The following CAPN2 variants were observed in gnomAD, a reference collection of about 807,000 sequenced individuals.
CAPN2 encodes the protein calpain 2, also known as calpain-2 catalytic subunit.
Under a neutral mutation model 102.3 loss-of-function variants are expected in CAPN2, and 92 were observed. That is an observed-to-expected ratio of 0.90 (90% CI 0.76 to 1.07). CAPN2 has a LOEUF of 1.07. Ranked by LOEUF, CAPN2 falls within the 50% of genes least tolerant of loss-of-function variation. The pLI is 0.00. For synonymous variants in CAPN2, 340 were observed against 355.4 expected (o/e 0.96, Z 0.49); for missense variants, 800 against 909.4 (o/e 0.88, Z 1.55).
At position 223,749,051 on chromosome 1, in the gene CAPN2, G is replaced by A. The variant is rs1282697631; in HGVS notation, c.742G>A (p.Ala248Thr). The A allele has an allele frequency of 1.2e-6, 2 of 1,614,022 alleles. No homozygotes were observed. Among genetic ancestry groups the A allele is most frequent in the Admixed American group, 1.7e-5 (1 of 60,032 alleles). Residue 248 changes from alanine to threonine, a missense_variant, in exon 6 of 21, where the codon GCG (alanine) becomes ACG (threonine). Coordinates refer to ENST00000295006, the MANE Select transcript of CAPN2 (RefSeq NM_001748.5). ...GCTGTGTTTGCAGATCACCAGCGCC[G>A]CGGACTCGGAGGCCATCACGTTTCA... ...LGCSIDITSA[A>T]DSEAITFQKL...
chr1:223,702,641 G>A (rs892790316), intron 1 of CAPN2, among the ~76,000 whole-genome samples: 5 of 152,140 alleles, frequency 3.3e-5, no homozygotes, highest in Admixed American at 2.6e-4. Flanking sequence ...AGAGCAAAAC[G>A]GGGAGGATAG....
At chr1:223,762,088 A>G in intron 13 of CAPN2, 98 bp from the exon 14 acceptor site, 1 of 966,942 alleles carries the variant, frequency 1.0e-6, no homozygotes, top group Non-Finnish European at 1.6e-6. Context: ...GGAGGGGTAG[A>G]GAAGGGGAGT....
chr1:223,727,249 T>C lies in CAPN2; in HGVS notation c.307+9418T>C, dbSNP rs1660218469. On this transcript the variant is annotated intron_variant, in intron 2 of 20. Transcript: ENST00000295006. This position sits in a 1 kb window ranked among gnomAD's most constrained non-coding sequence, Gnocchi z 4.1. ...CAAAAGAACAAAAGGTCTAAAGAAA[T>C]ATAACGCAAAACAGGTACGATTTGA... 6.6e-6 allele frequency among the ~76,000 whole-genome samples: 1 copy of C among 152,170 alleles called. No individual in the cohort carries two copies. The highest frequency in any genetic ancestry group is 1.5e-5 in the Non-Finnish European group (1 of 68,030).
At chr1:223,773,428 T>C (rs1336523019) in intron 20 of CAPN2, among the ~76,000 whole-genome samples, 1 of 151,700 alleles carries the variant, frequency 6.6e-6, no homozygotes. Flanking sequence ...GCGCGGTGGC[T>C]CACATCTATA....
At chr1:223,767,232 A>G (rs1299446042) in intron 16 of CAPN2, among the ~76,000 whole-genome samples, 3 of 151,976 alleles carry the variant, frequency 2.0e-5, no homozygotes, top group Non-Finnish European at 1.5e-5. Context: ...GTACATGTGC[A>G]CAATGTGCAG....
chr1:223,762,059 C>T (rs906236396), intron 13 of CAPN2, 127 bp from the exon 14 acceptor site: 37 of 681,812 alleles, frequency 5.4e-5, no homozygotes, highest in South Asian at 2.1e-4. Context: ...CCCAAATCAC[C>T]GTAGAATTTG....
chr1:223,741,841 ATC>A (rs1307524702), intron 2 of CAPN2, among the ~76,000 whole-genome samples: 1 of 151,724 alleles, frequency 6.6e-6, no homozygotes, highest in Non-Finnish European at 1.5e-5. Flanking sequence ...CAGTGGCGTG[ATC>A]TTGGCTCACT....
At chr1:223,733,481 AG>A (rs1660380303) in intron 2 of CAPN2, among the ~76,000 whole-genome samples, 1 of 152,142 alleles carries the variant, frequency 6.6e-6, no homozygotes, top group Non-Finnish European at 1.5e-5. Flanking sequence ...TCTTTTCAGT[AG>A]AAGGCCCTGG....
intron 2 of CAPN2, 21 bp from the exon 3 acceptor site, chr1:223,744,079 C>G: frequency 6.6e-7 from 1 of 1,506,998 alleles, no homozygotes; most frequent in Non-Finnish European, 9.2e-7. Flanking sequence ...CTGATAAGAG[C>G]TCCTTGTGCT....
intron 2 of CAPN2, among the ~76,000 whole-genome samples, chr1:223,734,133 G>A (rs1259404846): frequency 6.6e-6 from 1 of 152,172 alleles, no homozygotes; most frequent in Non-Finnish European, 1.5e-5. Flanking sequence ...GGGATCCAGC[G>A]CTACAGGGAA....
intron 20 of CAPN2, chr1:223,772,796 T>G (rs1661516412): frequency 6.6e-6 from 1 of 152,388 alleles, no homozygotes; most frequent in Non-Finnish European, 1.5e-5. Flanking sequence ...CAATCTGAAT[T>G]AAGTGGGTAT....
At position 223,759,393 on chromosome 1, in the gene CAPN2, G is replaced by C. The variant is rs148678361; in HGVS notation, c.1441G>C (p.Glu481Gln). 3 of 1,614,090 alleles carry C rather than the reference G, an allele frequency of 1.9e-6. No individual in the cohort carries two copies. Among genetic ancestry groups the C allele is most frequent in the Admixed American group, 3.3e-5 (2 of 60,008 alleles). ...VLNRFKLPPG[E>Q]YILVPSTFEP... is the part of the protein sequence containing the mutation. ...CAACCGCTTCAAGCTGCCGCCAGGA[G>C]AGTACATTCTCGTGCCTTCCACCTT... Residue 481 changes from glutamate to glutamine, a missense_variant, in exon 12 of 21, where the codon GAG becomes CAG. Physicochemically the swap from Glu to Gln is conservative, Grantham distance 29 (BLOSUM62 2). Transcript: ENST00000295006. This position sits in a 1 kb window ranked among gnomAD's most constrained non-coding sequence, Gnocchi z 4.6.
chr1:223,732,926 G>A (rs1345570897), intron 2 of CAPN2, among the ~76,000 whole-genome samples: 3 of 152,144 alleles, frequency 2.0e-5, no homozygotes, highest in Admixed American at 6.5e-5. Flanking sequence ...GCACCATCAG[G>A]GGCCAGCTTG....
chr1:223,716,308 C>T (rs1263735910), intron 1 of CAPN2, among the ~76,000 whole-genome samples: 2 of 152,210 alleles, frequency 1.3e-5, no homozygotes, highest in African/African-American at 2.4e-5. Flanking sequence ...AAGTGCCTGG[C>T]ACACTCAGGA....
At position 223,712,559 on chromosome 1, in the gene CAPN2, G is replaced by A. The variant is rs1033793682; in HGVS notation, c.-82G>A. On this transcript the variant is annotated 5_prime_UTR_variant, in exon 1 of 21. Transcript: ENST00000295006. ...CCCGCAGTGGCCGCAGCAGCGCGCC[G>A]GGCCCTGGCCGCGCCCCAGCCGAGC... The A allele has an allele frequency of 3.0e-6, 4 of 1,321,976 alleles. No individual in the cohort carries two copies. Among genetic ancestry groups the A allele is most frequent in the African/African-American group, 3.1e-5 (2 of 64,230 alleles). 81.9% of individuals were successfully genotyped at this position (1,321,976 alleles called of 1,614,324 possible).
chr1:223,766,741 C>G (rs1389521149), intron 16 of CAPN2, among the ~76,000 whole-genome samples: 2 of 152,160 alleles, frequency 1.3e-5, no homozygotes, highest in Non-Finnish European at 2.9e-5. Flanking sequence ...CCTCCTGACT[C>G]ACGAGGTCAG....
At chr1:223,770,096 G>T in intron 17 of CAPN2, 187 bp downstream of exon 17, 1 of 617,866 alleles carries the variant, frequency 1.6e-6, no homozygotes. Context: ...CCAGGACTTC[G>T]CAGGTGAAAT....
At chr1:223,761,507 CATTTTAGCAGTG>C (rs1302081920) in intron 12 of CAPN2, 62 bp from the exon 13 acceptor site, 4 of 1,287,422 alleles carry the variant, frequency 3.1e-6, no homozygotes, top group Non-Finnish European at 4.5e-6. Flanking sequence ...ACTGCACTTC[CATTTTAGCAGTG>C]ATTTCCTTCC....
At chr1:223,757,934 C>G (rs1558074904) in intron 11 of CAPN2, 2 of 151,862 alleles carry the variant, frequency 1.3e-5, no homozygotes, top group Non-Finnish European at 2.9e-5. Flanking sequence ...GATCTCGACT[C>G]ACTGCAACCT....
Sources: allele counts gnomAD v4.1 joint callset (sites outside exome capture counted in the v4.1 genomes callset), GRCh38; gene constraint gnomAD v4.1.1; non-coding constraint Gnocchi (gnomAD v3.1); transcripts MANE v1.5; gene names NCBI Gene and HGNC (gene_info 2026-07-23, HGNC 2026-07-21).